Variants in KHDRBS3 observed in about 807,000 individuals in gnomAD.
KHDRBS3 encodes KH domain-containing, RNA-binding, signal transduction-associated protein 3.
A neutral mutation model predicts 45.6 loss-of-function variants in KHDRBS3; 23 were observed. The observed-to-expected ratio is 0.50, with a 90% CI of 0.36 to 0.72. KHDRBS3 has a LOEUF of 0.72. Among genes scored for constraint, KHDRBS3 ranks in the 30% least tolerant of loss-of-function variants. The probability of loss-of-function intolerance (pLI) is 0.00; values close to 1 mark genes in which losing one functional copy is unlikely to be tolerated. For synonymous variants in KHDRBS3, 162 were observed against 156.5 expected (o/e 1.04, Z -0.26); for missense variants, 352 against 424.8 (o/e 0.83, Z 1.51).
intron 6 of KHDRBS3, among the ~76,000 whole-genome samples, chr8:135,586,184 C>T (rs1252693601): frequency 6.6e-6 from 1 of 152,134 alleles, no homozygotes; most frequent in Non-Finnish European, 1.5e-5. Context: ...ACTATGATCT[C>T]TACTGTACAA....
At chr8:135,507,085 A>G (rs1824039767) in intron 1 of KHDRBS3, among the ~76,000 whole-genome samples, 1 of 152,082 alleles carries the variant, frequency 6.6e-6, no homozygotes, top group Admixed American at 6.5e-5. Flanking sequence ...ATATTTGTTT[A>G]TGTATCATGG....
At chr8:135,550,509 C>A (rs1826535039) in intron 4 of KHDRBS3, among the ~76,000 whole-genome samples, 1 of 152,070 alleles carries the variant, frequency 6.6e-6, no homozygotes, top group Non-Finnish European at 1.5e-5. Context: ...TACCTTAGTA[C>A]CATTGTTGAA....
intron 5 of KHDRBS3, among the ~76,000 whole-genome samples, chr8:135,581,555 G>A (rs140436079): frequency 1.4e-4 from 22 of 152,288 alleles, no homozygotes; most frequent in African/African-American, 4.8e-4. Context: ...TGGGAGTGAA[G>A]TTTGGGTGTA....
chr8:135,645,992 A>ATTTTTT (rs57082119), intron 8 of KHDRBS3, among the ~76,000 whole-genome samples: 39 of 100,714 alleles, frequency 3.9e-4, no homozygotes, highest in African/African-American at 1.2e-3. Context: ...TGCACCTTGG[A>ATTTTTT]TTTTTTTTTT....
At chr8:135,472,428 G>C (rs1053957718) in intron 1 of KHDRBS3, among the ~76,000 whole-genome samples, 5 of 152,150 alleles carry the variant, frequency 3.3e-5, no homozygotes, top group African/African-American at 9.7e-5. Flanking sequence ...AGAGAGCTGG[G>C]GCATTTATCC....
intron 1 of KHDRBS3, among the ~76,000 whole-genome samples, chr8:135,483,737 A>C (rs1162436715): frequency 6.6e-6 from 1 of 152,088 alleles, no homozygotes; most frequent in African/African-American, 2.4e-5. Flanking sequence ...TGCAGGGCTG[A>C]ACTTACTCTT....
chr8:135,656,316 C>T (rs1243877421), exon 5 of KHDRBS3: 1 of 152,200 alleles, frequency 6.6e-6, no homozygotes, highest in Admixed American at 6.5e-5. Flanking sequence ...ACTTGAAAAA[C>T]ATCTTAATTA....
intron 7 of KHDRBS3, among the ~76,000 whole-genome samples, chr8:135,622,268 C>G (rs1321958292): frequency 3.3e-5 from 5 of 152,164 alleles, no homozygotes; most frequent in Non-Finnish European, 5.9e-5. Flanking sequence ...TAGAATTTTA[C>G]TTTACATCAG....
rs1417279252 is a variant in KHDRBS3, at chr8:135,615,419, G to A, written c.890+8382G>A. On this transcript the variant is annotated intron_variant, in intron 7 of 8. Transcript: ENST00000355849. ...GATCTTAATTTTAACCTTAAAAGGT[G>A]GATATTATCCTCAATTTATTATTGA... 7.9e-5 allele frequency among the ~76,000 whole-genome samples: 12 copies of A among 152,074 alleles called. No individual in the cohort carries two copies. In the East Asian group the frequency reaches 1.2e-3, roughly 15 times the overall value.
chr8:135,538,039 C>T (rs1358869920), intron 2 of KHDRBS3, among the ~76,000 whole-genome samples: 1 of 152,078 alleles, frequency 6.6e-6, no homozygotes, highest in African/African-American at 2.4e-5. Context: ...ACCATGAGAA[C>T]TGTAAGTTAT....
intron 1 of KHDRBS3, among the ~76,000 whole-genome samples, chr8:135,466,350 A>G (rs1821698847): frequency 6.6e-6 from 1 of 152,170 alleles, no homozygotes; most frequent in African/African-American, 2.4e-5. Flanking sequence ...TTTTACAGGT[A>G]AGAAGTGGAG....
Position 135,572,226 on chromosome 8 carries a change from CA to C in KHDRBS3, c.612-9651del, listed in dbSNP as rs1235601879. On this transcript the variant is annotated intron_variant, in intron 5 of 8. Coordinates refer to ENST00000355849, the MANE Select transcript of KHDRBS3 (RefSeq NM_006558.3). ...CATGCTAAAAATCAGAATTGGAAGA[CA>C]GTGGGTGATACAGGCTTCAAAATAA... Among the ~76,000 whole-genome samples, 251 of 152,224 alleles carry C rather than the reference CA, an allele frequency of 1.6e-3. 1 individual carries two copies. Among genetic ancestry groups the C allele is most frequent in the African/African-American group, 5.4e-3 (225 of 41,556 alleles).
chr8:135,515,216 AT>A (rs1421745330), intron 1 of KHDRBS3, among the ~76,000 whole-genome samples: 40 of 151,892 alleles, frequency 2.6e-4, no homozygotes, highest in African/African-American at 8.9e-4. Flanking sequence ...AATACAAAAA[AT>A]TAGCCAGGCG....
At chr8:135,558,777 G>T in intron 5 of KHDRBS3, among the ~76,000 whole-genome samples, 1 of 54,184 alleles carries the variant, frequency 1.8e-5, no homozygotes, top group African/African-American at 1.3e-4. Context: ...AATTACCACA[G>T]ATTTTTTTTT....
At chr8:135,632,595 G>C (rs1830650926) in intron 7 of KHDRBS3, among the ~76,000 whole-genome samples, 1 of 151,674 alleles carries the variant, frequency 6.6e-6, no homozygotes, top group East Asian at 1.9e-4. Context: ...TCAAACTCCG[G>C]AACTCTCCCT....
At chr8:135,558,284 T>G (rs1434302039) in intron 5 of KHDRBS3, among the ~76,000 whole-genome samples, 1 of 151,776 alleles carries the variant, frequency 6.6e-6, no homozygotes, top group Admixed American at 6.6e-5. Context: ...GGAAAATGTT[T>G]TGAAGAAGTC....
intron 2 of KHDRBS3, chr8:135,538,826 C>T (rs2130755905): frequency 6.6e-6 from 1 of 152,252 alleles, no homozygotes; most frequent in South Asian, 2.1e-4. Flanking sequence ...TTTATATCAT[C>T]CAGAAAGTCC....
At position 135,640,121 on chromosome 8, in the gene KHDRBS3, G is replaced by A. The variant is rs1830999693; in HGVS notation, c.891-4938G>A. ...TGATGGAGCATGAATTCCAGAGGGTGCAGTGACAGAATTGCAGGGGAGGGT... is the reference window on the plus strand; with the variant it reads ...TGATGGAGCATGAATTCCAGAGGGTACAGTGACAGAATTGCAGGGGAGGGT... On this transcript the variant is annotated intron_variant, in intron 7 of 8. Transcript: ENST00000355849. 2.6e-5 allele frequency among the ~76,000 whole-genome samples: 4 copies of A among 152,276 alleles called. No homozygotes were observed. In the South Asian group the frequency reaches 6.2e-4, roughly 24 times the overall value.
At position 135,629,083 on chromosome 8, in the gene KHDRBS3, A is replaced by G. The variant is rs11995579; in HGVS notation, c.891-15976A>G. On this transcript the variant is annotated intron_variant, in intron 7 of 8. Coordinates refer to ENST00000355849, the MANE Select transcript of KHDRBS3 (RefSeq NM_006558.3). ...GTACCAGTAAGTTCCTGCACTTTGT[A>G]GTGGAGATAAAGTTTAGAAGTATTT... 2.9e-3 allele frequency among the ~76,000 whole-genome samples: 444 copies of G among 152,336 alleles called. 3 individuals are homozygous for G. Among genetic ancestry groups the G allele is most frequent in the African/African-American group, 0.01 (432 of 41,576 alleles).
Sources: gnomAD v4.1 joint callset for allele counts (sites outside exome capture counted in the v4.1 genomes callset) on GRCh38, gnomAD v4.1.1 for gene constraint, MANE v1.5 for transcripts, NCBI Gene and HGNC (gene_info 2026-07-23, HGNC 2026-07-21) for gene names.